CDH19: variants seen among roughly 807,000 people sequenced by gnomAD.
The protein encoded by CDH19 is cadherin-19.
A neutral mutation model predicts 64.2 loss-of-function variants in CDH19; 67 were observed. The observed-to-expected ratio is 1.04, with a 90% confidence interval of 0.86 to 1.28. The LOEUF is 1.28. Ranked by LOEUF, CDH19 falls within the 50% of genes most tolerant of loss-of-function variation. The pLI, the probability that CDH19 is intolerant of heterozygous loss-of-function variation, is 0.00. For missense variants in CDH19, 1,030 were observed against 929.0 expected (o/e 1.11, Z -1.41); for synonymous variants, 346 against 319.3 (o/e 1.08, Z -0.89).
In CDH19 at chr18:66,503,387, C is replaced by A. The variant is rs1985030625; in HGVS notation, c.*1425G>T. On this transcript the variant is annotated 3_prime_UTR_variant, in exon 12 of 12. Transcript: ENST00000262150. ...TGAAGCATCAGTCATATTCCAAGCT[C>A]TTAACAGAAAAGCAAATACTGAGAA... 6.6e-6 allele frequency: 1 copy of A among 151,786 alleles called. No homozygotes were observed. The highest frequency in any genetic ancestry group is 2.1e-4 in the South Asian group (1 of 4,818). 9.4% of individuals were successfully genotyped at this position (151,786 alleles called of 1,614,324 possible).
intron 9 of CDH19, among the ~76,000 whole-genome samples, chr18:66,517,977 G>T (rs1457661784): frequency 2.0e-5 from 3 of 151,366 alleles, no homozygotes; most frequent in Non-Finnish European, 4.4e-5. Flanking sequence ...TTTTTTCAGT[G>T]ACTTTATTTT....
intron 9 of CDH19, among the ~76,000 whole-genome samples, chr18:66,519,600 A>G (rs935907156): frequency 4.6e-5 from 7 of 152,104 alleles, no homozygotes; most frequent in Non-Finnish European, 7.4e-5. Flanking sequence ...TATACATGTG[A>G]TTTTTAGACA....
In CDH19 at chr18:66,551,145, C is replaced by T; in HGVS notation, c.724G>A (p.Val242Ile). Residue 242 changes from valine to isoleucine, a missense_variant, in exon 5 of 12, where the codon GTA (valine) becomes ATA (isoleucine). Coordinates refer to ENST00000262150, the MANE Select transcript of CDH19 (RefSeq NM_021153.4). ...QPGALSGTTS[V>I]LIKLSDVNDN... ...TTAACATCTGAAAGTTTAATTAATACACTTGTTGTTCCAGACAACGCTCCT... is the reference window on the plus strand; with the variant it reads ...TTAACATCTGAAAGTTTAATTAATATACTTGTTGTTCCAGACAACGCTCCT... The T allele has an allele frequency of 2.5e-6, 4 of 1,608,208 alleles. No individual in the cohort carries two copies. Among genetic ancestry groups the T allele is most frequent in the Non-Finnish European group, 3.4e-6 (4 of 1,175,136 alleles).
chr18:66,593,651 G>T (rs972265788), intron 1 of CDH19, among the ~76,000 whole-genome samples: 10 of 152,056 alleles, frequency 6.6e-5, no homozygotes, highest in African/African-American at 2.2e-4. Flanking sequence ...CACTGAAAGA[G>T]ACCACAACAT....
intron 1 of CDH19, among the ~76,000 whole-genome samples, chr18:66,599,258 C>T (rs1988981669): frequency 6.6e-6 from 1 of 151,804 alleles, no homozygotes; most frequent in Admixed American, 6.6e-5. Context: ...TTTTAATTGT[C>T]TGCTATGAGC....
rs116966540 is a variant in CDH19, at chr18:66,585,933, A to G, written c.-112-13617T>C. 1.3e-3 allele frequency among the ~76,000 whole-genome samples: 199 copies of G among 152,184 alleles called. 2 individuals carry two copies. In the East Asian group the frequency reaches 0.032, roughly 25 times the overall value. The stretch of plus-strand genomic sequence containing the variant: ...GCCCAGTGTGACTCAGAACAATTAT[A>G]TTTTCAAAGAAGACTAATTACGACT... On this transcript the variant is annotated intron_variant, in intron 1 of 11. Coordinates refer to ENST00000262150, the MANE Select transcript of CDH19 (RefSeq NM_021153.4).
intron 3 of CDH19, among the ~76,000 whole-genome samples, chr18:66,566,280 CT>C (rs34978720): frequency 0.032 from 3,833 of 120,674 alleles, 54 homozygotes; most frequent in Middle Eastern, 0.056. Flanking sequence ...ATGACCCTTT[CT>C]TTTTTTTTTT....
chr18:66,601,004 A>C (rs1469282098), intron 1 of CDH19, among the ~76,000 whole-genome samples: 1 of 151,878 alleles, frequency 6.6e-6, no homozygotes, highest in Non-Finnish European at 1.5e-5. Context: ...TTGCTTTACC[A>C]GTTCAAGAGC....
At position 66,504,945 on chromosome 18, in the gene CDH19, A is replaced by T; in HGVS notation, c.2186T>A (p.Leu729Ter). The change falls in exon 12 of 12, where the codon TTA (leucine) becomes TAA (stop). Residue 729 changes from leucine to a stop codon, truncating the protein, a stop_gained. Transcript: ENST00000262150. LOFTEE classifies it low-confidence loss of function (END_TRUNC). ...TTCTAAGGAGCTCAGGGATCCAGCTAATGACCCTGTTCCCTCAAAAGCGTA... is the reference window on the plus strand; with the variant it reads ...TTCTAAGGAGCTCAGGGATCCAGCTTATGACCCTGTTCCCTCAAAAGCGTA... ...QTYAFEGTGS[L>*]AGSLSSLESA... 6.2e-7 allele frequency: 1 copy of T among 1,613,486 alleles called. No individual in the cohort carries two copies. Among genetic ancestry groups the T allele is most frequent in the Non-Finnish European group, 8.5e-7 (1 of 1,179,722 alleles).
intron 5 of CDH19, among the ~76,000 whole-genome samples, chr18:66,550,563 G>A (rs1987302860): frequency 6.6e-6 from 1 of 152,064 alleles, no homozygotes; most frequent in African/African-American, 2.4e-5. Flanking sequence ...CTAATTACAT[G>A]AGTGCTTAAA....
At chr18:66,529,749 CTATTATATA>C in intron 9 of CDH19, 87 bp downstream of exon 9, 1 of 411,576 alleles carries the variant, frequency 2.4e-6, no homozygotes, top group Non-Finnish European at 4.0e-6. Context: ...ATGTTGATAT[CTATTATATA>C]ACAATATTGT....
At chr18:66,577,269 C>T (rs1988292777) in intron 1 of CDH19, among the ~76,000 whole-genome samples, 1 of 151,732 alleles carries the variant, frequency 6.6e-6, no homozygotes, top group Non-Finnish European at 1.5e-5. Context: ...AAGCATGGGG[C>T]TTAGAATAAC....
At position 66,544,776 on chromosome 18, in the gene CDH19, T is replaced by C; in HGVS notation, c.903A>G (p.Gln301=). 1 of 1,612,212 alleles carries C rather than the reference T, an allele frequency of 6.2e-7. No individual in the cohort carries two copies. The highest frequency in any genetic ancestry group is 8.5e-7 in the Non-Finnish European group (1 of 1,178,482). ...CATGATTAGTAATAATGTCAAATGTTTGCGAATCATCCTCTTCAATGCTGT... is the reference window on the plus strand; with the variant it reads ...CATGATTAGTAATAATGTCAAATGTCTGCGAATCATCCTCTTCAATGCTGT... The part of the protein sequence containing the change: ...MDYSIEEDDS[Q]TFDIITNHET... The change falls in exon 6 of 12, where the codon CAA becomes CAG. Residue 301 remains glutamine, a synonymous_variant. Transcript: ENST00000262150.
intron 7 of CDH19, among the ~76,000 whole-genome samples, chr18:66,536,067 A>G (rs1409708091): frequency 5.3e-5 from 8 of 150,666 alleles, no homozygotes; most frequent in Non-Finnish European, 7.4e-5. Context: ...CACCTCCACA[A>G]TGAAAGAAGA....
intron 1 of CDH19, among the ~76,000 whole-genome samples, chr18:66,585,582 A>G (rs1316706026): frequency 1.3e-5 from 2 of 152,122 alleles, no homozygotes. Context: ...ACGTATTAAG[A>G]GTTAAATGTT....
chr18:66,528,196 A>T (rs543569031), intron 9 of CDH19, among the ~76,000 whole-genome samples: 5 of 152,210 alleles, frequency 3.3e-5, no homozygotes, highest in Admixed American at 2.6e-4. Flanking sequence ...AATGTGTCTA[A>T]GTAATCAGAT....
chr18:66,575,901 A>C (rs1180375879), intron 1 of CDH19, among the ~76,000 whole-genome samples: 1 of 151,848 alleles, frequency 6.6e-6, no homozygotes. Context: ...TTACAGAAGT[A>C]AAATGTATGA....
At chr18:66,593,124 A>G (rs1324590478) in intron 1 of CDH19, among the ~76,000 whole-genome samples, 18 of 151,504 alleles carry the variant, frequency 1.2e-4, no homozygotes, top group Non-Finnish European at 1.5e-5. Context: ...TCTCATTGTG[A>G]TTTTGATTTG....
In CDH19 at chr18:66,588,613, TCTATATCTATATCTATATATATATAG is replaced by T. The variant is rs1277324900; in HGVS notation, c.-113+15315_-113+15340del. ...TACTCATTTTTACTAATCATATATA[TCTATATCTATATCTATATATATATAG>T]ATACAGCTCAGATTTATTTCAGTGT... On this transcript the variant is annotated intron_variant, in intron 1 of 11. Transcript: ENST00000262150. Among the ~76,000 whole-genome samples, 22 of 130,572 alleles carry T rather than the reference TCTATATCTATATCTATATATATATAG, an allele frequency of 1.7e-4. 1 individual carries two copies. The South Asian group carries it at 3.9e-3, about 23-fold the overall frequency. The allele number at this position is 130,572 out of a possible 152,430, so 85.7% of individuals were successfully genotyped here.
Sources: gnomAD v4.1 joint callset for allele counts (sites outside exome capture counted in the v4.1 genomes callset) on GRCh38, gnomAD v4.1.1 for gene constraint, MANE v1.5 for transcripts, NCBI Gene and HGNC (gene_info 2026-07-23, HGNC 2026-07-21) for gene names.